The following PWWP2A variants were observed in gnomAD, a reference collection of about 807,000 sequenced individuals.
PWWP2A encodes the protein PWWP domain-containing protein 2A.
Under a neutral mutation model 48.5 loss-of-function variants are expected in PWWP2A, and 18 were observed. The observed-to-expected ratio is 0.37, with a 90% confidence interval of 0.26 to 0.55. PWWP2A has a LOEUF of 0.55. PWWP2A is among the 20% of genes least tolerant of loss of function. PWWP2A has a pLI of 0.81. For missense variants in PWWP2A, 867 were observed against 976.4 expected (o/e 0.89, Z 1.49); for synonymous variants, 396 against 387.7 (o/e 1.02, Z -0.25).
chr5:160,075,692 A>G (rs79585923), downstream of PWWP2A, among the ~76,000 whole-genome samples: 1 of 27,554 alleles, frequency 3.6e-5, no homozygotes, highest in South Asian at 1.4e-3. Context: ...CTTCGTCATA[A>G]AGAGGTCCCA....
downstream of PWWP2A, among the ~76,000 whole-genome samples, chr5:160,061,430 A>T (rs1199514367): frequency 6.6e-6 from 1 of 152,156 alleles, no homozygotes; most frequent in African/African-American, 2.4e-5. Context: ...TCAAATTCTA[A>T]GCTTGTTTTG....
chr5:160,109,774 A>AATATATATATATATATAT (rs1223846862), intron 1 of PWWP2A, among the ~76,000 whole-genome samples: 27 of 25,214 alleles, frequency 1.1e-3, no homozygotes, highest in South Asian at 3.0e-3. Flanking sequence ...AAAAAAAAAA[A>AATATATATATATATATAT]ATATATATAT....
rs146300607 is a variant in PWWP2A, at chr5:160,080,611, T to C, written c.1669+40A>G. On this transcript the variant is annotated intron_variant, in intron 3 of 3. Coordinates refer to the PWWP2A transcript ENST00000456329. ...CAGGAATGATTAAGTGATGACATGA[T>C]GCCCTCTTCACTTTGTGGCAGGGCT... is the stretch of plus-strand genomic sequence containing the variant. The C allele has an allele frequency of 2.7e-5, 40 of 1,478,918 alleles. No homozygotes were observed. The African/African-American group carries it at 5.3e-4, about 20-fold the overall frequency. 91.6% of individuals were successfully genotyped at this position (1,478,918 alleles called of 1,614,324 possible). A position where few individuals can be genotyped will look rare whatever the true frequency, so the allele number is the denominator to read the frequency against.
chr5:160,049,992 G>A, the PWWP2A span, among the ~76,000 whole-genome samples: 1 of 152,146 alleles, frequency 6.6e-6, no homozygotes, highest in Non-Finnish European at 1.5e-5. Flanking sequence ...AGAATTGCTT[G>A]AACCCAGAAG....
At position 160,077,912 on chromosome 5, in the gene PWWP2A, C is replaced by A. The variant is rs1753967617; in HGVS notation, c.*243G>T. 4.3e-6 allele frequency: 2 copies of A among 462,124 alleles called. No homozygotes were observed. Among genetic ancestry groups the A allele is most frequent in the Non-Finnish European group, 7.8e-6 (2 of 257,346 alleles). The allele number at this position is 462,124 out of a possible 1,614,324, so 28.6% of individuals were successfully genotyped here. On this transcript the variant is annotated 3_prime_UTR_variant, in exon 4 of 4. Coordinates refer to the PWWP2A transcript ENST00000456329. The surrounding 1 kb of genome is among the most constrained non-coding windows in gnomAD (Gnocchi z 4.2). ...GAGTTCTTACGTGTGTAATTCACAT[C>A]ATTTTTCTCCTCATCTCATGCATAA...
chr5:160,047,289 A>G, the PWWP2A span, among the ~76,000 whole-genome samples: 1 of 152,116 alleles, frequency 6.6e-6, no homozygotes, highest in Non-Finnish European at 1.5e-5. Context: ...AGTTTTTTCC[A>G]TTCTAATAAA....
chr5:160,089,260 T>A (rs1459351340), downstream of PWWP2A, among the ~76,000 whole-genome samples: 1 of 152,176 alleles, frequency 6.6e-6, no homozygotes, highest in African/African-American at 2.4e-5. Context: ...GGTGTGATCA[T>A]AGCTCACTGC....
chr5:160,096,290 T>C (rs1011931175), intron 1 of PWWP2A, among the ~76,000 whole-genome samples: 1 of 152,218 alleles, frequency 6.6e-6, no homozygotes, highest in African/African-American at 2.4e-5. Flanking sequence ...TACCTCCTAT[T>C]GTATCAGACT....
intron 2 of PWWP2A, among the ~76,000 whole-genome samples, chr5:160,082,300 C>T (rs962555308): frequency 2.6e-5 from 4 of 151,654 alleles, no homozygotes; most frequent in Non-Finnish European, 1.5e-5. Flanking sequence ...AAAAATTAGC[C>T]GGGCGTGGTA....
At chr5:160,109,934 G>A (rs1757386702) in intron 1 of PWWP2A, among the ~76,000 whole-genome samples, 2 of 148,272 alleles carry the variant, frequency 1.3e-5, no homozygotes, top group African/African-American at 4.9e-5. Flanking sequence ...AAAAGGACAA[G>A]AAAATTAACC....
intron 1 of PWWP2A, among the ~76,000 whole-genome samples, chr5:160,110,609 G>A (rs1757460294): frequency 6.6e-6 from 1 of 152,080 alleles, no homozygotes; most frequent in African/African-American, 2.4e-5. Flanking sequence ...GGGAGGCTGA[G>A]GCAGGAGAAT....
the PWWP2A span, among the ~76,000 whole-genome samples, chr5:160,052,387 C>G: frequency 6.8e-6 from 1 of 147,050 alleles, no homozygotes; most frequent in African/African-American, 2.4e-5. Context: ...ATAGTCCCAG[C>G]TACATGGGAG....
chr5:160,091,296 T>C (rs1755036744), downstream of PWWP2A: 2 of 978,244 alleles, frequency 2.0e-6, no homozygotes, highest in Non-Finnish European at 1.2e-6. Flanking sequence ...TTTTCTACCA[T>C]CTTGAAATTT....
intron 1 of PWWP2A, among the ~76,000 whole-genome samples, chr5:160,109,774 A>AAAAAT (rs1554104831): frequency 4.0e-5 from 1 of 25,226 alleles, no homozygotes; most frequent in Non-Finnish European, 7.1e-5. Context: ...AAAAAAAAAA[A>AAAAAT]ATATATATAT....
At chr5:160,048,741 A>G in the PWWP2A span, among the ~76,000 whole-genome samples, 3 of 152,152 alleles carry the variant, frequency 2.0e-5, no homozygotes, top group Admixed American at 1.3e-4. Flanking sequence ...GTATCTTCAA[A>G]TTCTCTCTCA....
chr5:160,052,574 A>AAAAAATTTTTT, the PWWP2A span, among the ~76,000 whole-genome samples: 1 of 148,132 alleles, frequency 6.8e-6, no homozygotes. Flanking sequence ...AAAAAAAAAA[A>AAAAAATTTTTT]CTGTTTGCAT....
At position 160,092,245 on chromosome 5, in the gene PWWP2A, G is replaced by A. The variant is rs1218133817; in HGVS notation, c.*137C>T. 2 of 1,411,418 alleles carry A rather than the reference G, an allele frequency of 1.4e-6. No individual in the cohort carries two copies. The highest frequency in any genetic ancestry group is 9.2e-7 in the Non-Finnish European group (1 of 1,084,084). 87.4% of individuals were successfully genotyped at this position (1,411,418 alleles called of 1,614,324 possible). The stretch of plus-strand genomic sequence containing the variant: ...CTCTCAGTCTAAAAATGGCTATAAG[G>A]TAAGTATTAAAAAGCCAGCCAACTG... On this transcript the variant is annotated 3_prime_UTR_variant, in exon 2 of 2. Transcript: ENST00000307063.
At chr5:160,108,882 T>C (rs1411121976) in intron 1 of PWWP2A, among the ~76,000 whole-genome samples, 1 of 152,186 alleles carries the variant, frequency 6.6e-6, no homozygotes, top group Non-Finnish European at 1.5e-5. Context: ...TCTCAGTATG[T>C]TGCCAAGGCT....
chr5:160,116,342 G>A (rs888290769), intron 1 of PWWP2A, among the ~76,000 whole-genome samples: 8 of 152,130 alleles, frequency 5.3e-5, no homozygotes, highest in Admixed American at 5.2e-4. Flanking sequence ...TGTAATCCCA[G>A]CTACTCCGGA....
Sources: gnomAD v4.1 joint callset for allele counts (sites outside exome capture counted in the v4.1 genomes callset) on GRCh38, gnomAD v4.1.1 for gene constraint, Gnocchi (gnomAD v3.1) non-coding constraint, MANE v1.5 for transcripts, NCBI Gene and HGNC (gene_info 2026-07-23, HGNC 2026-07-21) for gene names.